Variants in NEGR1 observed in about 807,000 individuals in gnomAD.
The protein encoded by NEGR1 is IgLON family member 4.
A neutral mutation model predicts 40.9 loss-of-function variants in NEGR1; 10 were observed. The ratio of observed to expected loss-of-function variants is 0.24; its 90% CI spans 0.15 to 0.42. The LOEUF (loss-of-function observed/expected upper bound fraction) is 0.42, where lower values mean the gene tolerates loss of function less well. NEGR1 is among the 10% of genes least tolerant of loss of function. The pLI is 1.00. For missense variants in NEGR1, 352 were observed against 438.9 expected (o/e 0.80, Z 1.77); for synonymous variants, 185 against 166.8 (o/e 1.11, Z -0.84).
chr1:71,907,398 G>C (rs1661306872), intron 2 of NEGR1, among the ~76,000 whole-genome samples: 1 of 152,034 alleles, frequency 6.6e-6, no homozygotes, highest in Non-Finnish European at 1.5e-5. Flanking sequence ...ATTTGAAAAA[G>C]ACAAAAGTTA....
In NEGR1 at chr1:71,776,156, T is replaced by C. The variant is rs774776405; in HGVS notation, c.535+16A>G. On this transcript the variant is annotated intron_variant, in intron 3 of 6. Transcript: ENST00000357731. ...AAATGAACAGCACAAACAACACTAATGCATTCCTACTTTACCTGATGGGGA... is the reference window on the plus strand; with the variant it reads ...AAATGAACAGCACAAACAACACTAACGCATTCCTACTTTACCTGATGGGGA... 3.1e-6 allele frequency: 5 copies of C among 1,604,136 alleles called. No individual in the cohort carries two copies. Among genetic ancestry groups the C allele is most frequent in the Non-Finnish European group, 8.5e-7 (1 of 1,174,150 alleles).
At chr1:71,818,249 G>A (rs1021520991) in intron 2 of NEGR1, among the ~76,000 whole-genome samples, 2 of 151,886 alleles carry the variant, frequency 1.3e-5, no homozygotes, top group Non-Finnish European at 2.9e-5. Context: ...GTTCACCACA[G>A]AACTATTCAC....
intron 3 of NEGR1, among the ~76,000 whole-genome samples, chr1:71,716,909 G>T (rs1023780030): frequency 2.0e-5 from 3 of 152,122 alleles, no homozygotes; most frequent in African/African-American, 7.2e-5. Flanking sequence ...AAACAAAAGT[G>T]AAATAACATA....
intron 1 of NEGR1, among the ~76,000 whole-genome samples, chr1:72,196,664 T>TTTGG (rs1423529023): frequency 0.13 from 19,613 of 151,084 alleles, 1,670 homozygotes; most frequent in Non-Finnish European, 0.19. Flanking sequence ...CAGTTACAAG[T>TTTGG]GATCAAGGAT....
intron 2 of NEGR1, among the ~76,000 whole-genome samples, chr1:71,932,267 G>A (rs923684007): frequency 2.0e-5 from 3 of 151,856 alleles, no homozygotes; most frequent in African/African-American, 4.8e-5. Flanking sequence ...AATAATTGAC[G>A]TGGGATTTTT....
chr1:72,267,121 T>C (rs1449501509), intron 1 of NEGR1, among the ~76,000 whole-genome samples: 9 of 151,068 alleles, frequency 6.0e-5, no homozygotes, highest in Admixed American at 2.0e-4. Flanking sequence ...GTTTACCTTT[T>C]TTAATTCTTA....
intron 1 of NEGR1, among the ~76,000 whole-genome samples, chr1:71,970,033 G>T (rs1451196077): frequency 2.0e-5 from 3 of 152,138 alleles, no homozygotes; most frequent in Non-Finnish European, 4.4e-5. Context: ...TGTAAGGTTA[G>T]GTGCTACTTA....
At chr1:71,683,958 A>G (rs576984783) in intron 4 of NEGR1, among the ~76,000 whole-genome samples, 5 of 152,278 alleles carry the variant, frequency 3.3e-5, no homozygotes, top group African/African-American at 1.2e-4. Context: ...AACAATGTTT[A>G]CTGTCTGAGG....
intron 2 of NEGR1, among the ~76,000 whole-genome samples, chr1:71,875,982 G>A (rs77366403): frequency 0.019 from 2,963 of 152,006 alleles, 80 homozygotes; most frequent in African/African-American, 0.067. Context: ...ACTTCCAAAC[G>A]TTATTTTTCT....
intron 5 of NEGR1, among the ~76,000 whole-genome samples, chr1:71,606,125 A>G (rs1280516136): frequency 6.6e-6 from 1 of 152,210 alleles, no homozygotes; most frequent in African/African-American, 2.4e-5. Flanking sequence ...AGGTTTCCCC[A>G]TATAGCTAAT....
At chr1:71,421,490 TAA>T (rs1380643465) in intron 6 of NEGR1, 2 of 152,100 alleles carry the variant, frequency 1.3e-5, no homozygotes, top group African/African-American at 2.4e-5. Context: ...TTAAAAACAA[TAA>T]GTGTGTCAAT....
intron 1 of NEGR1, among the ~76,000 whole-genome samples, chr1:72,114,873 C>T (rs533337463): frequency 6.6e-6 from 1 of 151,646 alleles, no homozygotes; most frequent in Non-Finnish European, 1.5e-5. Context: ...ACTGAACTTG[C>T]AATTAATTGA....
chr1:72,150,687 C>T (rs1651093202), intron 1 of NEGR1, among the ~76,000 whole-genome samples: 1 of 151,980 alleles, frequency 6.6e-6, no homozygotes, highest in South Asian at 2.1e-4. Context: ...GCCACACTGA[C>T]CAGAAAGCTG....
At chr1:71,759,596 C>CGTTTTTT (rs1655866326) in intron 3 of NEGR1, among the ~76,000 whole-genome samples, 1 of 31,952 alleles carries the variant, frequency 3.1e-5, no homozygotes, top group Non-Finnish European at 6.3e-5. Flanking sequence ...TGCGTCCAGG[C>CGTTTTTT]TTTTTTTTTT....
intron 3 of NEGR1, among the ~76,000 whole-genome samples, chr1:71,744,241 C>T (rs1655308897): frequency 6.7e-6 from 1 of 148,414 alleles, no homozygotes; most frequent in Non-Finnish European, 1.5e-5. Flanking sequence ...ATAATTTATC[C>T]TTTGTAAAGG....
rs533059573 is a variant in NEGR1 at position 71,424,063 on chromosome 1, C to A, written c.941-16493G>T. ...TTGAGACTAAGGCATAACTGTCAGA[C>A]GCTAATAGTTAGGACTTTAAAGAAA... On this transcript the variant is annotated intron_variant, in intron 6 of 6. Coordinates refer to ENST00000357731, the MANE Select transcript of NEGR1 (RefSeq NM_173808.3). 2.8e-5 allele frequency among the ~76,000 whole-genome samples: 4 copies of A among 143,390 alleles called. No individual in the cohort carries two copies. In the Admixed American group the frequency reaches 2.9e-4, roughly 10 times the overall value. 94.1% of individuals were successfully genotyped at this position (143,390 alleles called of 152,430 possible).
In NEGR1 at chr1:71,915,888, A is replaced by G. The variant is rs1346103248; in HGVS notation, c.409+19191T>C. Among the ~76,000 whole-genome samples, 3 of 152,246 alleles carry G rather than the reference A, an allele frequency of 2.0e-5. No homozygotes were observed. The East Asian group carries it at 5.8e-4, about 29-fold the overall frequency. Reference sequence around the variant, plus strand: ...TTTGAGCGAGAAACACAGATACTTTAACAAGTAACAGACTATGATAGGACC... The same window carrying G: ...TTTGAGCGAGAAACACAGATACTTTGACAAGTAACAGACTATGATAGGACC... On this transcript the variant is annotated intron_variant, in intron 2 of 6. Coordinates refer to ENST00000357731, the MANE Select transcript of NEGR1 (RefSeq NM_173808.3).
rs1051941091 is a variant in NEGR1 at position 72,274,775 on chromosome 1, AC to A, written c.176+7543del. 2.9e-6 allele frequency: 4 copies of A among 1,361,402 alleles called. No homozygotes were observed. The African/African-American group carries it at 4.3e-5, about 15-fold the overall frequency. 84.3% of individuals were successfully genotyped at this position (1,361,402 alleles called of 1,614,324 possible). A position where few individuals can be genotyped will look rare whatever the true frequency, so the allele number is the denominator to read the frequency against. On this transcript the variant is annotated intron_variant, in intron 1 of 6. Coordinates refer to ENST00000357731, the MANE Select transcript of NEGR1 (RefSeq NM_173808.3). Reference sequence around the variant, plus strand: ...GCTTGCTGTAAGCAGTTCATCTGTGACCCCAGCTGTGTAAAAGATCGGGTAG... The same window carrying A: ...GCTTGCTGTAAGCAGTTCATCTGTGACCCAGCTGTGTAAAAGATCGGGTAG...
intron 1 of NEGR1, among the ~76,000 whole-genome samples, chr1:72,014,522 GTTT>G (rs1280302697): frequency 6.6e-6 from 1 of 151,792 alleles, no homozygotes; most frequent in African/African-American, 2.4e-5. Flanking sequence ...TACAATTCAG[GTTT>G]TTGAATGGTT....
Sources: allele counts gnomAD v4.1 joint callset (sites outside exome capture counted in the v4.1 genomes callset), GRCh38; gene constraint gnomAD v4.1.1; transcripts MANE v1.5; gene names NCBI Gene and HGNC (gene_info 2026-07-23, HGNC 2026-07-21).